CHD9: variants seen among roughly 807,000 people sequenced by gnomAD.
The protein encoded by CHD9 is ATP-dependent chromatin remodeler CHD9.
A neutral mutation model predicts 316.1 loss-of-function variants in CHD9; 77 were observed. The observed-to-expected ratio is 0.24, with a 90% CI of 0.20 to 0.29. The LOEUF (loss-of-function observed/expected upper bound fraction) is 0.29. Ranked by LOEUF, CHD9 falls within the 10% of genes least tolerant of loss-of-function variation. CHD9 has a pLI of 1.00. For missense variants in CHD9, 2,763 were observed against 3,438.1 expected (o/e 0.80, Z 4.91); for synonymous variants, 1,129 against 1,158.3 (o/e 0.97, Z 0.51).
At chr16:53,316,442 T>G (rs2056890436) in intron 36 of CHD9, among the ~76,000 whole-genome samples, 1 of 152,196 alleles carries the variant, frequency 6.6e-6, no homozygotes, top group South Asian at 2.1e-4. Flanking sequence ...TCTTTATCAC[T>G]GCAAAAGGGC....
At chr16:53,179,775 T>A (rs906798908) in intron 2 of CHD9, among the ~76,000 whole-genome samples, 3 of 151,592 alleles carry the variant, frequency 2.0e-5, no homozygotes, top group African/African-American at 7.3e-5. Context: ...CACGCACCTG[T>A]AATCCCAGCT....
At chr16:53,109,677 CTTTTTTTTT>C (rs1166073629) in intron 1 of CHD9, among the ~76,000 whole-genome samples, 1 of 71,606 alleles carries the variant, frequency 1.4e-5, no homozygotes, top group African/African-American at 5.9e-5. Context: ...TTCCCAGTTT[CTTTTTTTTT>C]TTTTTTTTTT....
chr16:53,231,911 A>T (rs2048209368), intron 10 of CHD9, 127 bp downstream of exon 10: 1 of 885,928 alleles, frequency 1.1e-6, no homozygotes, highest in Non-Finnish European at 1.7e-6. Context: ...ATGTGAGTCT[A>T]GTTTTGGGAG....
At chr16:53,144,277 G>C (rs184551319) in intron 1 of CHD9, among the ~76,000 whole-genome samples, 1 of 152,238 alleles carries the variant, frequency 6.6e-6, no homozygotes, top group East Asian at 1.9e-4. Flanking sequence ...CCAAAGTATA[G>C]AGTATAAGAC....
At chr16:53,231,561 A>G (rs1390840537) in intron 9 of CHD9, 56 bp downstream of exon 9, 2 of 1,383,408 alleles carry the variant, frequency 1.4e-6, no homozygotes, top group Admixed American at 4.1e-5. Flanking sequence ...CTTTCCAAGT[A>G]TTAAGACCTA....
At chr16:53,300,136 A>G (rs1346584734) in intron 30 of CHD9, among the ~76,000 whole-genome samples, 1 of 152,040 alleles carries the variant, frequency 6.6e-6, no homozygotes, top group Non-Finnish European at 1.5e-5. Context: ...GGCGGATCAC[A>G]AGGTCAGGAG....
intron 10 of CHD9, among the ~76,000 whole-genome samples, chr16:53,232,839 C>T (rs781215240): frequency 5.3e-5 from 8 of 152,142 alleles, no homozygotes; most frequent in Non-Finnish European, 1.0e-4. Flanking sequence ...CTTCAATAAC[C>T]AGTCCTGTTC....
intron 29 of CHD9, among the ~76,000 whole-genome samples, chr16:53,296,343 T>C (rs1359955135): frequency 6.6e-6 from 1 of 152,214 alleles, no homozygotes; most frequent in Non-Finnish European, 1.5e-5. Context: ...ACACCATTAT[T>C]GTCTGAAGGA....
In CHD9 at chr16:53,286,294, G is replaced by A. The variant is rs1455718924; in HGVS notation, c.5140G>A (p.Asp1714Asn). 1 of 1,613,376 alleles carries A rather than the reference G, an allele frequency of 6.2e-7. No homozygotes were observed. The change falls in exon 26 of 39, where the codon GAT (aspartate) becomes AAT (asparagine). Residue 1714 changes from aspartate (D) to asparagine (N), a missense_variant. Physicochemically the swap from Asp to Asn is conservative, Grantham distance 23. This residue lies in a region of CHD9 where 183 missense variants were observed against 258.5 expected (regional missense o/e 0.71). Coordinates refer to ENST00000447540, the MANE Select transcript of CHD9 (RefSeq NM_001308319.2). ...LCFLERVGKP[D>N]EKAVAAEQRA... Reference sequence around the variant, plus strand: ...CTTCTTGGAAAGAGTGGGAAAACCTGATGAGAAAGCAGTTGCTGCTGAACA... The same window carrying A: ...CTTCTTGGAAAGAGTGGGAAAACCTAATGAGAAAGCAGTTGCTGCTGAACA...
rs760520068 is a variant in CHD9, at chr16:53,156,115, T to C, written c.26T>C (p.Phe9Ser). 52 of 1,613,180 alleles carry C rather than the reference T, an allele frequency of 3.2e-5. No individual in the cohort carries two copies. The highest frequency in any genetic ancestry group is 4.1e-5 in the Non-Finnish European group (48 of 1,179,546). Residue 9 changes from phenylalanine to serine, a missense_variant, in exon 2 of 39, where the codon TTT becomes TCT. Coordinates refer to ENST00000447540, the MANE Select transcript of CHD9 (RefSeq NM_001308319.2). ...ATGACAGATCCAATGATGGACTTTTTTGATGATGCCAATCTTTTTGGTGAG... is the reference window on the plus strand; with the variant it reads ...ATGACAGATCCAATGATGGACTTTTCTGATGATGCCAATCTTTTTGGTGAG... The part of the protein sequence containing the change: MTDPMMDF[F>S]DDANLFGETL...
At chr16:53,125,945 GTCTT>G (rs1168980041) in intron 1 of CHD9, among the ~76,000 whole-genome samples, 2 of 152,136 alleles carry the variant, frequency 1.3e-5, no homozygotes, top group Non-Finnish European at 2.9e-5. Flanking sequence ...ATTCTGTTTT[GTCTT>G]TCTTTGCACT....
chr16:53,176,962 T>C (rs1438181994), intron 2 of CHD9, among the ~76,000 whole-genome samples: 1 of 152,136 alleles, frequency 6.6e-6, no homozygotes, highest in Non-Finnish European at 1.5e-5. Flanking sequence ...TAATTTTATA[T>C]ATATATTTTT....
chr16:53,278,414 A>G (rs191606018), intron 24 of CHD9, among the ~76,000 whole-genome samples: 1 of 152,338 alleles, frequency 6.6e-6, no homozygotes, highest in East Asian at 1.9e-4. Context: ...AAATAGGCAC[A>G]CAGACCAATG....
chr16:53,091,465 C>T (rs1187562933), intron 1 of CHD9, among the ~76,000 whole-genome samples: 1 of 152,210 alleles, frequency 6.6e-6, no homozygotes, highest in South Asian at 2.1e-4. Context: ...AAATGGTGGC[C>T]CTGGAGCCAG....
chr16:53,228,066 C>G (rs2047807255), intron 7 of CHD9, among the ~76,000 whole-genome samples: 1 of 150,416 alleles, frequency 6.6e-6, no homozygotes, highest in Admixed American at 6.6e-5. Flanking sequence ...AGCCTGGCGA[C>G]AGAGCGAGAC....
chr16:53,062,077 G>A (rs769662555), intron 1 of CHD9, among the ~76,000 whole-genome samples: 28 of 152,274 alleles, frequency 1.8e-4, no homozygotes, highest in Non-Finnish European at 3.2e-4. Context: ...CTCCACCCAC[G>A]CTGGCCTTTC....
chr16:53,139,880 A>T (rs6499308), intron 1 of CHD9, among the ~76,000 whole-genome samples: 73,317 of 151,046 alleles, frequency 0.49, 18,409 homozygotes, highest in African/African-American at 0.59. Flanking sequence ...GGTGGATCAC[A>T]TGAGCCCAGG....
At chr16:53,208,215 C>A in intron 2 of CHD9, 1 of 1,159,054 alleles carries the variant, frequency 8.6e-7, no homozygotes. Flanking sequence ...TTGGTTGCAG[C>A]TTGCTAAATA....
intron 2 of CHD9, among the ~76,000 whole-genome samples, chr16:53,195,617 A>T (rs987847155): frequency 2.0e-5 from 3 of 152,090 alleles, no homozygotes; most frequent in Admixed American, 6.6e-5. Context: ...TGTTTCTTCA[A>T]GGCCAGCAGG....
Sources: allele counts gnomAD v4.1 joint callset (sites outside exome capture counted in the v4.1 genomes callset), GRCh38; gene constraint gnomAD v4.1.1; regional missense constraint gnomAD v4.1.1; transcripts MANE v1.5; gene names NCBI Gene and HGNC (gene_info 2026-07-23, HGNC 2026-07-21).